Variants in WWOX observed in about 807,000 individuals in gnomAD.
WWOX encodes the protein WW domain-containing oxidoreductase.
Under a neutral mutation model 46.2 loss-of-function variants are expected in WWOX, and 69 were observed. The ratio of observed to expected loss-of-function variants is 1.49; its 90% CI spans 1.23 to 1.82. The LOEUF (loss-of-function observed/expected upper bound fraction) is 1.82. WWOX is among the 40% of genes most tolerant of loss of function. The pLI is 0.00. For synonymous variants in WWOX, 359 were observed against 202.6 expected (o/e 1.77, Z -6.56); for missense variants, 919 against 542.6 (o/e 1.69, Z -6.89).
chr16:78,487,968 C>T lies in WWOX; in HGVS notation c.1056+55216C>T, dbSNP rs73576879. The stretch of plus-strand genomic sequence containing the variant: ...TACCCTAGGATCATTATCCCACCTT[C>T]CCCAAGCTTCGAAAGAGGTACAGGA... On this transcript the variant is annotated intron_variant, in intron 8 of 8. Transcript: ENST00000566780. 4.7e-3 allele frequency among the ~76,000 whole-genome samples: 713 copies of T among 152,232 alleles called. 5 individuals carry two copies. Among genetic ancestry groups the T allele is most frequent in the African/African-American group, 0.017 (686 of 41,520 alleles).
At chr16:78,502,739 T>C (rs765166339) in intron 8 of WWOX, among the ~76,000 whole-genome samples, 1 of 152,298 alleles carries the variant, frequency 6.6e-6, no homozygotes, top group East Asian at 1.9e-4. Context: ...TCTTAAAATG[T>C]TGTGCATCAG....
intron 8 of WWOX, among the ~76,000 whole-genome samples, chr16:78,778,491 C>T (rs775949259): frequency 6.6e-6 from 1 of 152,170 alleles, no homozygotes; most frequent in South Asian, 2.1e-4. Flanking sequence ...TAATCCTGGT[C>T]TCAGTATGAC....
intron 8 of WWOX, among the ~76,000 whole-genome samples, chr16:78,972,107 G>C (rs1481094366): frequency 6.6e-6 from 1 of 152,210 alleles, no homozygotes; most frequent in African/African-American, 2.4e-5. Context: ...TCAGGAAAGA[G>C]CAGGCTGTCG....
intron 8 of WWOX, among the ~76,000 whole-genome samples, chr16:78,723,801 ATC>A (rs2048758125): frequency 6.6e-6 from 1 of 151,972 alleles, no homozygotes; most frequent in African/African-American, 2.4e-5. Flanking sequence ...TTGTTCTCGT[ATC>A]ACTCAGACTA....
intron 8 of WWOX, among the ~76,000 whole-genome samples, chr16:79,174,523 C>T (rs1305940543): frequency 2.0e-5 from 3 of 152,182 alleles, no homozygotes; most frequent in East Asian, 3.9e-4. Flanking sequence ...GTGGCGCATG[C>T]CTATAATCCC....
chr16:78,235,141 T>C (rs962040824), intron 5 of WWOX, among the ~76,000 whole-genome samples: 2 of 152,172 alleles, frequency 1.3e-5, no homozygotes, highest in African/African-American at 4.8e-5. Context: ...TTTAAAATTA[T>C]TATAAAATAT....
intron 8 of WWOX, among the ~76,000 whole-genome samples, chr16:78,480,063 C>T (rs2084449840): frequency 6.6e-6 from 1 of 152,184 alleles, no homozygotes; most frequent in African/African-American, 2.4e-5. Flanking sequence ...CAGAATTGTG[C>T]TGGGTCCTAT....
In WWOX at chr16:79,060,728, G is replaced by C. The variant is rs62040126; in HGVS notation, c.1057-150880G>C. Among the ~76,000 whole-genome samples the C allele has an allele frequency of 2.0e-5, 3 of 152,354 alleles. No homozygotes were observed. The South Asian group carries it at 6.2e-4, about 32-fold the overall frequency. On this transcript the variant is annotated intron_variant, in intron 8 of 8. Coordinates refer to ENST00000566780, the MANE Select transcript of WWOX (RefSeq NM_016373.4). ...TGTAACCAATGAGGCCATTGTCACT[G>C]TATGGAGAATAGCTTTAGTCCATAT...
chr16:78,327,243 G>T (rs772093713), intron 5 of WWOX, among the ~76,000 whole-genome samples: 9 of 152,144 alleles, frequency 5.9e-5, no homozygotes, highest in Non-Finnish European at 1.3e-4. Context: ...GTGTCATATC[G>T]GGAAAGAAAT....
chr16:78,644,602 C>A (rs1412674740), intron 8 of WWOX, among the ~76,000 whole-genome samples: 1 of 152,104 alleles, frequency 6.6e-6, no homozygotes, highest in African/African-American at 2.4e-5. Context: ...CCTGGGATTA[C>A]AGGAGCCTGC....
intron 5 of WWOX, among the ~76,000 whole-genome samples, chr16:78,206,895 T>A (rs957608094): frequency 4.6e-5 from 7 of 152,172 alleles, no homozygotes; most frequent in African/African-American, 1.7e-4. Context: ...ATTGAGATAA[T>A]GATAATAGCT....
intron 1 of WWOX, among the ~76,000 whole-genome samples, chr16:78,101,456 CGT>C (rs951413487): frequency 6.7e-6 from 1 of 150,040 alleles, no homozygotes; most frequent in Non-Finnish European, 1.5e-5. Context: ...AAGCGATTCT[CGT>C]GTCTCAGCCT....
intron 8 of WWOX, among the ~76,000 whole-genome samples, chr16:79,129,294 T>G (rs530134911): frequency 1.3e-5 from 2 of 150,688 alleles, no homozygotes; most frequent in Non-Finnish European, 3.0e-5. Context: ...ATTAAAAGAT[T>G]GTATAAATGA....
chr16:78,789,496 C>A (rs1045019336), intron 8 of WWOX, among the ~76,000 whole-genome samples: 5 of 152,036 alleles, frequency 3.3e-5, no homozygotes, highest in Non-Finnish European at 7.4e-5. Flanking sequence ...GAATTATATC[C>A]CATTGATCTG....
chr16:78,904,853 T>A (rs2044920852), intron 8 of WWOX, among the ~76,000 whole-genome samples: 1 of 152,108 alleles, frequency 6.6e-6, no homozygotes, highest in Admixed American at 6.5e-5. Context: ...GGAAAGAAAA[T>A]AACCATTTTT....
intron 6 of WWOX, among the ~76,000 whole-genome samples, chr16:78,406,342 ATATATATATATATT>A (rs1440220178): frequency 1.2e-5 from 1 of 86,094 alleles, no homozygotes; most frequent in African/African-American, 9.8e-5. Flanking sequence ...ATATATATAT[ATATATATATATATT>A]TTATTATTTT....
chr16:78,698,510 C>T (rs1270214746), intron 8 of WWOX, among the ~76,000 whole-genome samples: 1 of 152,176 alleles, frequency 6.6e-6, no homozygotes, highest in Non-Finnish European at 1.5e-5. Flanking sequence ...CAAATTTTAG[C>T]AGTCGTTTTG....
intron 8 of WWOX, among the ~76,000 whole-genome samples, chr16:78,977,234 C>T (rs911205174): frequency 6.6e-6 from 1 of 152,224 alleles, no homozygotes; most frequent in Non-Finnish European, 1.5e-5. Flanking sequence ...GCCCTGAGAG[C>T]TCTTCAAAGG....
At chr16:78,320,049 T>G (rs899831478) in intron 5 of WWOX, among the ~76,000 whole-genome samples, 1 of 152,222 alleles carries the variant, frequency 6.6e-6, no homozygotes, top group Non-Finnish European at 1.5e-5. Context: ...TAATGGTATA[T>G]TTGGGTGAGA....
Sources: allele counts gnomAD v4.1 joint callset (sites outside exome capture counted in the v4.1 genomes callset), GRCh38; gene constraint gnomAD v4.1.1; transcripts MANE v1.5; gene names NCBI Gene and HGNC (gene_info 2026-07-23, HGNC 2026-07-21).